Variants in LRP1B observed in about 807,000 individuals in gnomAD.
LRP1B encodes the protein low-density lipoprotein receptor-related protein 1B.
LRP1B carries 217 observed loss-of-function variants against 556.6 expected under a neutral mutation model. The ratio of observed to expected loss-of-function variants is 0.39; its 90% CI spans 0.35 to 0.44. The LOEUF (loss-of-function observed/expected upper bound fraction) is 0.44. LRP1B is among the 20% of genes least tolerant of loss of function. LRP1B has a pLI of 1.00. For missense variants in LRP1B, 5,053 were observed against 5,620.8 expected (o/e 0.90, Z 3.23); for synonymous variants, 2,047 against 1,865.8 (o/e 1.10, Z -2.50).
At chr2:141,723,889 C>T (rs1370085814) in intron 2 of LRP1B, among the ~76,000 whole-genome samples, 1 of 151,606 alleles carries the variant, frequency 6.6e-6, no homozygotes, top group Non-Finnish European at 1.5e-5. Flanking sequence ...CTTACTCAAT[C>T]CACTTAAAAT....
chr2:142,047,346 A>G (rs1384928096), intron 1 of LRP1B, among the ~76,000 whole-genome samples: 1 of 152,000 alleles, frequency 6.6e-6, no homozygotes, highest in Non-Finnish European at 1.5e-5. Flanking sequence ...AAATTCTACT[A>G]TAGAAGGTAG....
At chr2:141,423,267 C>T (rs1680212404) in intron 3 of LRP1B, among the ~76,000 whole-genome samples, 1 of 146,544 alleles carries the variant, frequency 6.8e-6, no homozygotes, top group South Asian at 2.2e-4. Context: ...TATAACTGCC[C>T]TCTCACTAGG....
intron 43 of LRP1B, among the ~76,000 whole-genome samples, chr2:140,545,947 T>G (rs145896891): frequency 2.2e-4 from 33 of 152,034 alleles, no homozygotes; most frequent in Non-Finnish European, 2.2e-4. Context: ...AGCAGTGTTT[T>G]GTAGTACTCC....
intron 3 of LRP1B, among the ~76,000 whole-genome samples, chr2:141,360,158 C>T (rs532411259): frequency 4.6e-5 from 7 of 152,032 alleles, no homozygotes; most frequent in African/African-American, 7.3e-5. Flanking sequence ...TTTAAGCAGC[C>T]GTAATAGGCA....
At chr2:141,622,743 G>A (rs763592149) in intron 2 of LRP1B, among the ~76,000 whole-genome samples, 13 of 151,974 alleles carry the variant, frequency 8.6e-5, no homozygotes, top group Admixed American at 2.0e-4. Flanking sequence ...TATTTTTTGC[G>A]TGCTGCTGGG....
At chr2:141,014,744 G>A (rs1421495761) in intron 13 of LRP1B, among the ~76,000 whole-genome samples, 1 of 151,850 alleles carries the variant, frequency 6.6e-6, no homozygotes, top group Non-Finnish European at 1.5e-5. Flanking sequence ...TATGTTTATT[G>A]TTTACATACC....
At chr2:141,367,606 C>A (rs930353927) in intron 3 of LRP1B, among the ~76,000 whole-genome samples, 2 of 150,324 alleles carry the variant, frequency 1.3e-5, no homozygotes, top group Non-Finnish European at 3.0e-5. Context: ...CCCCAGCCTC[C>A]CAAGTAGCTG....
rs188000412 is a variant in LRP1B at position 141,321,675 on chromosome 2, A to C, written c.344-67034T>G. Among the ~76,000 whole-genome samples the C allele has an allele frequency of 2.8e-3, 425 of 152,216 alleles. 5 individuals carry two copies. Among genetic ancestry groups the C allele is most frequent in the African/African-American group, 9.4e-3 (389 of 41,558 alleles). On this transcript the variant is annotated intron_variant, in intron 3 of 90. Coordinates refer to ENST00000389484, the MANE Select transcript of LRP1B (RefSeq NM_018557.3). ...TACTGAGAGGTGTGACAGTCATGGA[A>C]GTGCATGGCACCAATCCTTTTTTAG...
At chr2:141,420,277 G>A (rs6429875) in intron 3 of LRP1B, among the ~76,000 whole-genome samples, 131,520 of 152,166 alleles carry the variant, frequency 0.86, 57,058 homozygotes, top group East Asian at 1. Flanking sequence ...TCTATGAGAC[G>A]GTGTTTGACT....
chr2:140,937,861 A>G (rs1380998328), intron 20 of LRP1B, among the ~76,000 whole-genome samples: 1 of 151,938 alleles, frequency 6.6e-6, no homozygotes, highest in Non-Finnish European at 1.5e-5. Context: ...TTACAAATCA[A>G]GTTTTGATAG....
At chr2:142,055,851 T>C (rs1305656048) in intron 1 of LRP1B, among the ~76,000 whole-genome samples, 1 of 152,128 alleles carries the variant, frequency 6.6e-6, no homozygotes, top group Non-Finnish European at 1.5e-5. Flanking sequence ...TCTCTATTTT[T>C]CAGAAGTGTT....
intron 1 of LRP1B, among the ~76,000 whole-genome samples, chr2:141,973,249 T>C (rs1035772122): frequency 2.0e-5 from 3 of 151,724 alleles, no homozygotes; most frequent in Non-Finnish European, 3.0e-5. Context: ...TAATAACTCT[T>C]TATTGATTAA....
At chr2:141,697,738 A>T (rs1558811450) in intron 2 of LRP1B, among the ~76,000 whole-genome samples, 1 of 151,946 alleles carries the variant, frequency 6.6e-6, no homozygotes, top group African/African-American at 2.4e-5. Context: ...TAGACTACAG[A>T]ACTACAGATT....
intron 77 of LRP1B, among the ~76,000 whole-genome samples, chr2:140,343,253 GT>G (rs1462373910): frequency 3.3e-5 from 5 of 151,518 alleles, no homozygotes; most frequent in African/African-American, 1.2e-4. Context: ...TTTGATGCCG[GT>G]TTTGGCAATA....
At chr2:140,307,265 A>G (rs1374832321) in intron 83 of LRP1B, among the ~76,000 whole-genome samples, 4 of 152,124 alleles carry the variant, frequency 2.6e-5, no homozygotes, top group South Asian at 4.1e-4. Context: ...CAGCAATAGC[A>G]AAACCTATTG....
intron 11 of LRP1B, among the ~76,000 whole-genome samples, chr2:141,027,164 G>C (rs1043441341): frequency 7.2e-5 from 11 of 152,122 alleles, no homozygotes; most frequent in African/African-American, 1.2e-4. Context: ...TACTACAGTA[G>C]AGGATGCTTT....
At chr2:141,220,436 C>T (rs1209419342) in intron 6 of LRP1B, among the ~76,000 whole-genome samples, 1 of 151,846 alleles carries the variant, frequency 6.6e-6, no homozygotes, top group Non-Finnish European at 1.5e-5. Flanking sequence ...AGGATAGGAC[C>T]TATGACTGAT....
At chr2:142,103,624 T>A (rs1442656157) in intron 1 of LRP1B, among the ~76,000 whole-genome samples, 1 of 152,010 alleles carries the variant, frequency 6.6e-6, no homozygotes, top group Admixed American at 6.6e-5. Context: ...AAGAAAGAAG[T>A]CTTGGCCAAA....
intron 34 of LRP1B, 45 bp downstream of exon 34, chr2:140,770,836 A>T (rs1689284908): frequency 6.7e-7 from 1 of 1,486,988 alleles, no homozygotes; most frequent in Admixed American, 2.6e-5. Flanking sequence ...TGTAATGATT[A>T]GTGAAGTAAA....
Sources: allele counts gnomAD v4.1 joint callset (sites outside exome capture counted in the v4.1 genomes callset), GRCh38; gene constraint gnomAD v4.1.1; transcripts MANE v1.5; gene names NCBI Gene and HGNC (gene_info 2026-07-23, HGNC 2026-07-21).